TMEM242: variants seen among roughly 807,000 people sequenced by gnomAD.
TMEM242 encodes the protein UPF0463 transmembrane protein C6orf35.
A neutral mutation model predicts 18.2 loss-of-function variants in TMEM242; 10 were observed. The observed-to-expected ratio is 0.55, with a 90% CI of 0.34 to 0.93. TMEM242 has a LOEUF of 0.93. Among genes scored for constraint, TMEM242 ranks in the 40% least tolerant of loss-of-function variants. The probability of loss-of-function intolerance (pLI) is 0.02; values close to 1 mark genes in which losing one functional copy is unlikely to be tolerated. For missense variants in TMEM242, 186 were observed against 175.5 expected (o/e 1.06, Z -0.34); for synonymous variants, 57 against 69.9 (o/e 0.81, Z 0.92).
chr6:157,303,031 C>G (rs1159602023), intron 3 of TMEM242, among the ~76,000 whole-genome samples: 2 of 152,218 alleles, frequency 1.3e-5, no homozygotes, highest in Non-Finnish European at 2.9e-5. Context: ...ATCCCCTAAG[C>G]AGAACTGGCT....
intron 3 of TMEM242, among the ~76,000 whole-genome samples, chr6:157,294,303 G>T (rs993990664): frequency 6.7e-6 from 1 of 150,270 alleles, no homozygotes; most frequent in Non-Finnish European, 1.5e-5. Flanking sequence ...CCTTGATCAG[G>T]TTTGTGAAGT....
intron 3 of TMEM242, among the ~76,000 whole-genome samples, chr6:157,316,418 T>G (rs1778392086): frequency 6.6e-6 from 1 of 152,236 alleles, no homozygotes. Context: ...CTAAAATGTC[T>G]GTAGAATGCC....
At chr6:157,313,142 G>C (rs1459607832) in intron 3 of TMEM242, among the ~76,000 whole-genome samples, 15 of 111,436 alleles carry the variant, frequency 1.3e-4, no homozygotes, top group East Asian at 3.4e-4. Context: ...TAGTGTCCCA[G>C]TGTGCGCTCA....
chr6:157,309,209 G>T (rs1777958364), intron 3 of TMEM242, among the ~76,000 whole-genome samples: 1 of 152,070 alleles, frequency 6.6e-6, no homozygotes, highest in Admixed American at 6.5e-5. Flanking sequence ...GCTCCAAAAG[G>T]ATGTTTCTAA....
In TMEM242 at chr6:157,299,564, T is replaced by G. The variant is rs1777799247; in HGVS notation, c.328-6565A>C. The G allele has an allele frequency of 7.1e-6, 11 of 1,554,072 alleles. No homozygotes were observed. In the Admixed American group the frequency reaches 1.3e-4, roughly 19 times the overall value. On this transcript the variant is annotated intron_variant, in intron 3 of 3. Transcript: ENST00000400788. ...ACGGTTTTTGGAAAATGCACTCAAC[T>G]TCCAGGCTACATAAGTTAAGTTATC... is the stretch of plus-strand genomic sequence containing the variant.
rs782602720 is a variant in TMEM242, at chr6:157,292,937, C to T, written c.390G>A (p.Ser130=). The T allele has an allele frequency of 5.6e-5, 91 of 1,613,418 alleles. No homozygotes were observed. Among genetic ancestry groups the T allele is most frequent in the South Asian group, 3.3e-5 (3 of 91,000 alleles). Residue 130 remains serine, a synonymous_variant, in exon 4 of 4, where the codon TCG becomes TCA. Transcript: ENST00000400788. ...TCAATGTTTCCTCCCACTCAACAGC[C>T]GATTCGGAGTTCTTGGGAATTGTTG... ...IFPTIPKNSE[S]AVEWEETLKS...
At chr6:157,313,468 T>A (rs1778276794) in intron 3 of TMEM242, among the ~76,000 whole-genome samples, 13 of 150,092 alleles carry the variant, frequency 8.7e-5, no homozygotes, top group Non-Finnish European at 1.3e-4. Context: ...CCTGGCCTCA[T>A]CATAGTGCCC....
chr6:157,323,155 T>C lies in TMEM242; in HGVS notation c.88+257A>G, dbSNP rs587640380. 3.3e-5 allele frequency among the ~76,000 whole-genome samples: 5 copies of C among 152,238 alleles called. No homozygotes were observed. In the East Asian group the frequency reaches 9.7e-4, roughly 29 times the overall value. On this transcript the variant is annotated intron_variant, in intron 1 of 3. Transcript: ENST00000400788. ...AGAAAAGGCAAGGCTCTAGAACAAT[T>C]GCAGAGGTGACGGGGAAATATGGCA...
intron 3 of TMEM242, among the ~76,000 whole-genome samples, chr6:157,310,621 T>C (rs797039063): frequency 0.021 from 39 of 1,888 alleles, no homozygotes; most frequent in African/African-American, 0.036. Context: ...TGCCCTCACC[T>C]AGCCTCATCA....
At chr6:157,310,598 T>C (rs1009475273) in intron 3 of TMEM242, among the ~76,000 whole-genome samples, 1 of 152,028 alleles carries the variant, frequency 6.6e-6, no homozygotes, top group African/African-American at 2.4e-5. Flanking sequence ...GGCCTCATCA[T>C]AGTGCCCCAG....
chr6:157,323,338 T>C, intron 1 of TMEM242, 74 bp downstream of exon 1: 1 of 1,495,934 alleles, frequency 6.7e-7, no homozygotes, highest in Admixed American at 1.8e-5. Flanking sequence ...TGTGTGGGAA[T>C]GCCCGCTCCA....
At chr6:157,323,346 C>G in intron 1 of TMEM242, 66 bp downstream of exon 1, 1 of 1,551,906 alleles carries the variant, frequency 6.4e-7, no homozygotes, top group Admixed American at 1.7e-5. Flanking sequence ...AATGCCCGCT[C>G]CAGAGCAAGC....
At chr6:157,312,468 A>T (rs144348360) in intron 3 of TMEM242, among the ~76,000 whole-genome samples, 50 of 29,432 alleles carry the variant, frequency 1.7e-3, no homozygotes, top group Non-Finnish European at 2.2e-3. Flanking sequence ...CCCAGCGTGC[A>T]CTCACCTAGC....
At chr6:157,310,026 CCT>C (rs1472353464) in intron 3 of TMEM242, among the ~76,000 whole-genome samples, 9 of 152,142 alleles carry the variant, frequency 5.9e-5, no homozygotes, top group African/African-American at 2.2e-4. Context: ...CGCATACCCC[CCT>C]GATAAAGTTC....
chr6:157,302,687 A>G (rs1554247607), intron 3 of TMEM242, among the ~76,000 whole-genome samples: 1 of 152,260 alleles, frequency 6.6e-6, no homozygotes, highest in Non-Finnish European at 1.5e-5. Context: ...CTACTCAAAG[A>G]TGTGGAAAGC....
rs975119270 is a variant in TMEM242, at chr6:157,310,097, A to G, written c.327+8685T>C. 6.6e-5 allele frequency among the ~76,000 whole-genome samples: 10 copies of G among 152,344 alleles called. 1 individual carries two copies. The South Asian group carries it at 1.2e-3, about 19-fold the overall frequency. ...AATGTTTCTCCTTCTAAGGGGAGGA[A>G]AAAACTCAAGGTAGTCTAGCTATAA... On this transcript the variant is annotated intron_variant, in intron 3 of 3. Transcript: ENST00000400788.
At chr6:157,301,716 G>C (rs1322860216) in intron 3 of TMEM242, among the ~76,000 whole-genome samples, 1 of 152,180 alleles carries the variant, frequency 6.6e-6, no homozygotes, top group East Asian at 1.9e-4. Flanking sequence ...TGGATCACTT[G>C]AGGTCAGAAG....
chr6:157,311,649 C>G (rs1554248907), intron 3 of TMEM242, among the ~76,000 whole-genome samples: 3 of 111,700 alleles, frequency 2.7e-5, no homozygotes, highest in Non-Finnish European at 3.8e-5. Context: ...TCATAGTGTC[C>G]CAGTGTGCAC....
At chr6:157,310,091 G>A (rs1178645018) in intron 3 of TMEM242, among the ~76,000 whole-genome samples, 2 of 152,042 alleles carry the variant, frequency 1.3e-5, no homozygotes, top group Non-Finnish European at 2.9e-5. Flanking sequence ...CCTTCTAAGG[G>A]GAGGAAAAAA....
Sources: gnomAD v4.1 joint callset for allele counts (sites outside exome capture counted in the v4.1 genomes callset) on GRCh38, gnomAD v4.1.1 for gene constraint, MANE v1.5 for transcripts, NCBI Gene and HGNC (gene_info 2026-07-23, HGNC 2026-07-21) for gene names.